MGA: variants seen among roughly 807,000 people sequenced by gnomAD.
The protein encoded by MGA is MAX dimerization protein MGA.
Under a neutral mutation model 261.1 loss-of-function variants are expected in MGA, and 40 were observed. The observed-to-expected ratio is 0.15, with a 90% CI of 0.12 to 0.20. MGA has a LOEUF of 0.20. Among genes scored for constraint, MGA ranks in the 10% least tolerant of loss-of-function variants. The probability of loss-of-function intolerance (pLI) is 1.00; values close to 1 mark genes in which losing one functional copy is unlikely to be tolerated. For synonymous variants in MGA, 1,302 were observed against 1,290.6 expected, an observed-to-expected ratio of 1.01 and a Z score of -0.19; for missense variants, 3,397 against 3,630.5, an observed-to-expected ratio of 0.94 and a Z score of 1.65.
At chr15:41,707,886 A>G (rs777219555) in intron 6 of MGA, 27 bp downstream of exon 6, 1 of 1,591,376 alleles carries the variant, frequency 6.3e-7, no homozygotes, top group Admixed American at 1.9e-5. Context: ...TGTAAAGTCA[A>G]ACACTATTTT....
chr15:41,678,020 T>A (rs1165061230), intron 2 of MGA, among the ~76,000 whole-genome samples: 1 of 152,064 alleles, frequency 6.6e-6, no homozygotes, highest in Non-Finnish European at 1.5e-5. Context: ...TTAGAAAGAG[T>A]TTCCCTTATG....
rs1488894310 is a variant in MGA, at chr15:41,749,760, C to G, written c.6153C>G (p.Ser2051=). The change falls in exon 17 of 24, where the codon TCC becomes TCG. Residue 2051 remains serine, a synonymous_variant. Transcript: ENST00000219905. ...CAACTGTCAAACCATCTGAGCATTC[C>G]TGTATCACTGGGTCACATACAGATC... 1 of 1,613,820 alleles carries G rather than the reference C, an allele frequency of 6.2e-7. No homozygotes were observed. The highest frequency in any genetic ancestry group is 1.3e-5 in the African/African-American group (1 of 74,870).
chr15:41,651,811 CTTT>C (rs2057065090), intron 1 of MGA, among the ~76,000 whole-genome samples: 1 of 42,012 alleles, frequency 2.4e-5, no homozygotes, highest in Non-Finnish European at 4.9e-5. Flanking sequence ...CCCCCTCTTC[CTTT>C]CCCTTCTCCT....
intron 22 of MGA, among the ~76,000 whole-genome samples, chr15:41,763,778 A>G (rs545251204): frequency 1.3e-5 from 2 of 152,154 alleles, no homozygotes; most frequent in African/African-American, 2.4e-5. Context: ...AAAAACCCCA[A>G]AGTAAATTAG....
At chr15:41,626,274 A>G (rs2056448448) in intron 1 of MGA, among the ~76,000 whole-genome samples, 1 of 146,218 alleles carries the variant, frequency 6.8e-6, no homozygotes, top group Non-Finnish European at 1.5e-5. Context: ...ATTAGAAAAA[A>G]CTATTTTCCT....
At chr15:41,678,938 T>G (rs1242498145) in intron 2 of MGA, among the ~76,000 whole-genome samples, 2 of 152,240 alleles carry the variant, frequency 1.3e-5, no homozygotes, top group Non-Finnish European at 1.5e-5. Context: ...TTATTTTGAT[T>G]ACTAGACATT....
chr15:41,627,046 A>G (rs1034281635), intron 1 of MGA, among the ~76,000 whole-genome samples: 3 of 152,080 alleles, frequency 2.0e-5, no homozygotes, highest in African/African-American at 7.2e-5. Context: ...AGCTGGGATT[A>G]CAGGCGTGCA....
At chr15:41,657,017 C>T (rs1374293902), upstream of MGA, among the ~76,000 whole-genome samples, 4 of 152,062 alleles carry the variant, frequency 2.6e-5, no homozygotes, top group African/African-American at 9.7e-5. Flanking sequence ...ATGCGATCCA[C>T]CTGCCTTCTG....
intron 1 of MGA, among the ~76,000 whole-genome samples, chr15:41,630,726 C>A (rs1212388877): frequency 1.3e-5 from 2 of 152,092 alleles, no homozygotes; most frequent in Admixed American, 6.6e-5. Flanking sequence ...CTTCACTTGC[C>A]CACTTTTCCA....
intron 10 of MGA, among the ~76,000 whole-genome samples, chr15:41,727,859 G>A (rs1488689978): frequency 6.6e-6 from 1 of 152,148 alleles, no homozygotes; most frequent in East Asian, 1.9e-4. Flanking sequence ...CTGAAGACTG[G>A]TAGGTAAAAG....
At chr15:41,687,433 A>G (rs1191571851) in intron 2 of MGA, among the ~76,000 whole-genome samples, 2 of 152,080 alleles carry the variant, frequency 1.3e-5, no homozygotes, top group African/African-American at 2.4e-5. Flanking sequence ...TTGTTTATGT[A>G]TTGTCTGTAG....
intron 1 of MGA, among the ~76,000 whole-genome samples, chr15:41,652,173 A>G (rs2057077499): frequency 6.8e-6 from 1 of 146,674 alleles, no homozygotes; most frequent in Non-Finnish European, 1.5e-5. Context: ...ATGGGGTTTC[A>G]TGTGTTAGCC....
chr15:41,745,037 C>T (rs545035492), intron 15 of MGA, among the ~76,000 whole-genome samples: 1 of 152,222 alleles, frequency 6.6e-6, no homozygotes, highest in African/African-American at 2.4e-5. Flanking sequence ...CGCCACCACG[C>T]AGTGGTGTAT....
At position 41,669,202 on chromosome 15, in the gene MGA, G is replaced by A; in HGVS notation, c.308G>A (p.Arg103His). The A allele has an allele frequency of 1.2e-6, 2 of 1,613,960 alleles. No homozygotes were observed. Among genetic ancestry groups the A allele is most frequent in the East Asian group, 2.2e-5 (1 of 44,886 alleles). The change falls in exon 2 of 24, where the codon CGC becomes CAC. Residue 103 changes from arginine to histidine, a missense_variant. Physicochemically the swap from Arg to His is conservative, Grantham distance 29. Transcript: ENST00000219905. The stretch of plus-strand genomic sequence containing the variant: ...ATGATTCTGACCAAGCAAGGAAGAC[G>A]CATGTTTCCTTACTGTCGTTATTGG...
At chr15:41,762,462 T>TGG (rs2063526375) in intron 22 of MGA, 100 bp downstream of exon 22, 1 of 66,084 alleles carries the variant, frequency 1.5e-5, no homozygotes, top group South Asian at 2.3e-4. Context: ...TTTTGTGTGG[T>TGG]TTTTTTTTTT....
At chr15:41,635,508 T>C (rs1203593219) in intron 1 of MGA, among the ~76,000 whole-genome samples, 1 of 148,558 alleles carries the variant, frequency 6.7e-6, no homozygotes, top group African/African-American at 2.5e-5. Context: ...CCAGGCAACA[T>C]AGTGAGACCC....
intron 15 of MGA, among the ~76,000 whole-genome samples, chr15:41,747,664 C>G (rs984584648): frequency 3.3e-5 from 5 of 151,934 alleles, no homozygotes; most frequent in African/African-American, 1.2e-4. Context: ...CCACTGCACT[C>G]TAGCCTGGGT....
At position 41,766,999 on chromosome 15, in the gene MGA, T is replaced by G; in HGVS notation, c.8917T>G (p.Leu2973Val). The G allele has an allele frequency of 6.2e-7, 1 of 1,614,002 alleles. No individual in the cohort carries two copies. ...CCCCACCCTACACATGAAGACTGGC[T>G]TGGAGAACAGCAACAGCACAGACAC... The change falls in exon 24 of 24, where the codon TTG (leucine) becomes GTG (valine). Residue 2973 changes from leucine (L) to valine (V), a missense_variant. By Grantham distance (32) the Leu-to-Val change is conservative. This residue lies in a region of MGA where 647 missense variants were observed against 642.4 expected (regional missense o/e 1.01). Transcript: ENST00000219905.
intron 2 of MGA, among the ~76,000 whole-genome samples, chr15:41,693,399 A>G (rs1595746216): frequency 6.8e-6 from 1 of 146,708 alleles, no homozygotes; most frequent in East Asian, 2.1e-4. Flanking sequence ...ATGAGTGAGA[A>G]TATGCGGTGT....
Sources: gnomAD v4.1 joint callset for allele counts (sites outside exome capture counted in the v4.1 genomes callset) on GRCh38, gnomAD v4.1.1 for gene constraint, gnomAD v4.1.1 regional missense constraint, MANE v1.5 for transcripts, NCBI Gene and HGNC (gene_info 2026-07-23, HGNC 2026-07-21) for gene names.